LHCGR: variants seen among roughly 807,000 people sequenced by gnomAD.
LHCGR encodes luteinizing hormone/choriogonadotropin receptor, also known as lutropin-choriogonadotropic hormone receptor.
In LHCGR, 55 loss-of-function variants were observed where a neutral mutation model predicts 60.7. The observed-to-expected ratio is 0.91, with a 90% CI of 0.73 to 1.13. The LOEUF (loss-of-function observed/expected upper bound fraction) is 1.13, where lower values mean the gene tolerates loss of function less well. Ranked by LOEUF, LHCGR falls within the 50% of genes most tolerant of loss-of-function variation. LHCGR has a pLI of 0.00. For synonymous variants in LHCGR, 337 were observed against 316.5 expected, an observed-to-expected ratio of 1.06 and a Z score of -0.69; for missense variants, 862 against 836.0, an observed-to-expected ratio of 1.03 and a Z score of -0.38.
At chr2:48,709,063 A>G (rs1299445692) in intron 7 of LHCGR, 41 bp from the exon 8 acceptor site, 2 of 1,484,402 alleles carry the variant, frequency 1.3e-6, no homozygotes, top group Non-Finnish European at 1.9e-6. Flanking sequence ...TTTGTACCTC[A>G]TGTGTAAGCA....
chr2:48,714,554 A>G (rs910964771), intron 6 of LHCGR, among the ~76,000 whole-genome samples: 4 of 151,618 alleles, frequency 2.6e-5, no homozygotes, highest in Non-Finnish European at 4.4e-5. Context: ...AACCAAGAAG[A>G]TTTCAATGTC....
In LHCGR at chr2:48,709,033, G is replaced by A; in HGVS notation, c.606-11C>T. 6.2e-7 allele frequency: 1 copy of A among 1,609,656 alleles called. No individual in the cohort carries two copies. The highest frequency in any genetic ancestry group is 8.5e-7 in the Non-Finnish European group (1 of 1,175,854). On this transcript the variant is annotated splice_polypyrimidine_tract_variant and intron_variant, in intron 7 of 10. Transcript: ENST00000294954. ...TTTTCCTTTAGCTCCCTGTGGGGAA[G>A]GATATTGCCCTTAGTGGAGTTTGTA... is the stretch of plus-strand genomic sequence containing the variant.
Position 48,709,171 on chromosome 2 carries a change from G to T in LHCGR, c.606-149C>A, listed in dbSNP as rs923643087. On this transcript the variant is annotated intron_variant, in intron 7 of 10. Coordinates refer to ENST00000294954, the MANE Select transcript of LHCGR (RefSeq NM_000233.4). ...GTAAGTGGAGGGAAAGTGGGAAAAA[G>T]ACAAGCTAGTTCTTAATGAAATTAT... 13 of 708,478 alleles carry T rather than the reference G, an allele frequency of 1.8e-5. No homozygotes were observed. The African/African-American group carries it at 1.9e-4, about 10-fold the overall frequency. The allele number at this position is 708,478 out of a possible 1,614,324, so 43.9% of individuals were successfully genotyped here. A position where few individuals can be genotyped will look rare whatever the true frequency, so the allele number is the denominator to read the frequency against.
chr2:48,733,943 T>C (rs573418319), intron 1 of LHCGR, among the ~76,000 whole-genome samples: 2 of 152,346 alleles, frequency 1.3e-5, no homozygotes, highest in South Asian at 4.1e-4. Context: ...TCTATGATTC[T>C]TTCCATGATG....
chr2:48,709,372 C>T (rs530084038), intron 7 of LHCGR, among the ~76,000 whole-genome samples: 1 of 152,288 alleles, frequency 6.6e-6, no homozygotes, highest in East Asian at 1.9e-4. Flanking sequence ...CAAGACTGAA[C>T]GGCTGAAGTG....
chr2:48,737,752 T>G (rs910506134), intron 1 of LHCGR, among the ~76,000 whole-genome samples: 4 of 152,216 alleles, frequency 2.6e-5, no homozygotes, highest in East Asian at 1.9e-4. Context: ...TTTGGAACAG[T>G]CTTTAAAAAT....
At chr2:48,720,434 G>T (rs1668447550) in intron 6 of LHCGR, 1 of 152,136 alleles carries the variant, frequency 6.6e-6, no homozygotes, top group South Asian at 2.1e-4. Flanking sequence ...AAGTTGAAGG[G>T]AGTCATGGAT....
intron 1 of LHCGR, among the ~76,000 whole-genome samples, chr2:48,741,583 G>GC (rs1382972106): frequency 1.3e-5 from 2 of 151,606 alleles, no homozygotes; most frequent in East Asian, 3.9e-4. Context: ...TTCATATCCA[G>GC]CCAAACTAAG....
rs1458796089 is a variant in LHCGR at position 48,688,549 on chromosome 2, G to T, written c.1248C>A (p.Ala416=). 6.2e-7 allele frequency: 1 copy of T among 1,614,172 alleles called. No homozygotes were observed. The highest frequency in any genetic ancestry group is 1.7e-5 in the Admixed American group (1 of 60,018). Residue 416 remains alanine, a synonymous_variant, in exon 11 of 11, where the codon GCC becomes GCA. Coordinates refer to ENST00000294954, the MANE Select transcript of LHCGR (RefSeq NM_000233.4). The surrounding 1 kb of genome is among the most constrained non-coding windows in gnomAD (Gnocchi z 5.2). ...GGCCCTTGGTTTGGGAATCAACTGA[G>T]GCTATGAGCAGCAGATAGAGCCCCA... ...FCMGLYLLLI[A]SVDSQTKGQY...
At chr2:48,742,401 A>G (rs1390321179) in intron 1 of LHCGR, among the ~76,000 whole-genome samples, 1 of 150,198 alleles carries the variant, frequency 6.7e-6, no homozygotes, top group East Asian at 2.0e-4. Flanking sequence ...TTTTTTCAGC[A>G]CCACACCACA....
At chr2:48,736,612 A>G (rs1479108276) in intron 1 of LHCGR, among the ~76,000 whole-genome samples, 2 of 152,154 alleles carry the variant, frequency 1.3e-5, no homozygotes, top group African/African-American at 2.4e-5. Context: ...GAAGGAGCCA[A>G]TTTGTCCAGT....
intron 1 of LHCGR, among the ~76,000 whole-genome samples, chr2:48,743,027 C>G (rs1346438652): frequency 3.3e-5 from 5 of 152,112 alleles, no homozygotes. Context: ...ACCGATCCCA[C>G]AGAAATACAA....
chr2:48,722,929 A>G (rs1275599111), intron 6 of LHCGR, among the ~76,000 whole-genome samples: 1 of 152,160 alleles, frequency 6.6e-6, no homozygotes, highest in Non-Finnish European at 1.5e-5. Flanking sequence ...ATAAAAACAC[A>G]TTATTTTTAA....
intron 6 of LHCGR, among the ~76,000 whole-genome samples, chr2:48,718,534 T>C (rs975374188): frequency 1.3e-5 from 2 of 152,230 alleles, no homozygotes; most frequent in African/African-American, 4.8e-5. Context: ...CTCAAAAAAG[T>C]GGACCCATTG....
At position 48,717,197 on chromosome 2, in the gene LHCGR, A is replaced by G. The variant is rs147120585; in HGVS notation, c.537-3143T>C. ...TGCTTTGTTTTCACCAAAGCTGCTA[A>G]CAGTTGTCTAGATGCCCATTATTCA... On this transcript the variant is annotated intron_variant, in intron 6 of 10. Transcript: ENST00000294954. Among the ~76,000 whole-genome samples the G allele has an allele frequency of 5.0e-3, 762 of 152,336 alleles. 5 individuals are homozygous for G. The highest frequency in any genetic ancestry group is 0.017 in the African/African-American group (725 of 41,570).
chr2:48,693,501 G>A (rs932177124), intron 10 of LHCGR, among the ~76,000 whole-genome samples: 3 of 152,176 alleles, frequency 2.0e-5, no homozygotes, highest in Non-Finnish European at 4.4e-5. Flanking sequence ...AAGAAAAGAA[G>A]AGAAAATTTC....
chr2:48,711,471 C>G (rs1488775995), intron 7 of LHCGR, among the ~76,000 whole-genome samples: 1 of 152,170 alleles, frequency 6.6e-6, no homozygotes, highest in African/African-American at 2.4e-5. Context: ...CAAACTGACT[C>G]ATGTTCTTGA....
At chr2:48,739,583 G>A (rs1308228178) in intron 1 of LHCGR, among the ~76,000 whole-genome samples, 3 of 151,380 alleles carry the variant, frequency 2.0e-5, no homozygotes, top group African/African-American at 7.3e-5. Context: ...AACACTGCAT[G>A]TTCTCGCTCA....
intron 2 of LHCGR, among the ~76,000 whole-genome samples, chr2:48,730,485 A>T (rs2103627245): frequency 6.6e-6 from 1 of 152,340 alleles, no homozygotes; most frequent in South Asian, 2.1e-4. Context: ...AGGAGCTAAG[A>T]TCAATGCTGT....
Sources: gnomAD v4.1 joint callset for allele counts (sites outside exome capture counted in the v4.1 genomes callset) on GRCh38, gnomAD v4.1.1 for gene constraint, Gnocchi (gnomAD v3.1) non-coding constraint, MANE v1.5 for transcripts, NCBI Gene and HGNC (gene_info 2026-07-23, HGNC 2026-07-21) for gene names.